ERFL: variants seen among roughly 807,000 people sequenced by gnomAD.
ERFL encodes the protein ETS repressor factor like.
ERFL carries 8 observed loss-of-function variants against 27.9 expected under a neutral mutation model. The observed-to-expected ratio is 0.29, with a 90% CI of 0.17 to 0.52. The LOEUF is 0.52. Ranked by LOEUF, ERFL falls within the 20% of genes least tolerant of loss-of-function variation. ERFL has a pLI of 0.97. For missense variants in ERFL, 294 were observed against 444.4 expected, an observed-to-expected ratio of 0.66 and a Z score of 3.04; for synonymous variants, 174 against 202.8, an observed-to-expected ratio of 0.86 and a Z score of 1.21.
Position 41,921,719 on chromosome 19 carries a change from G to A in ERFL, c.-14+6321C>T, listed in dbSNP as rs565092928. 2.6e-5 allele frequency among the ~76,000 whole-genome samples: 4 copies of A among 152,172 alleles called. No homozygotes were observed. Among genetic ancestry groups the A allele is most frequent in the South Asian group, 2.1e-4 (1 of 4,822 alleles). ...GCAGGAGAGGGATGCAGGCGAGCCC[G>A]GCCCTGGAGGTGGAGTGGAAGGCTC... is the stretch of plus-strand genomic sequence containing the variant. On this transcript the variant is annotated intron_variant, in intron 1 of 5. Coordinates refer to ENST00000597630, the MANE Select transcript of ERFL (RefSeq NM_001365103.2). This position sits in a 1 kb window ranked among gnomAD's most constrained non-coding sequence, Gnocchi z 4.4.
intron 2 of ERFL, among the ~76,000 whole-genome samples, chr19:41,911,001 C>A (rs1346716190): frequency 6.6e-6 from 1 of 152,192 alleles, no homozygotes; most frequent in African/African-American, 2.4e-5. Context: ...ACACAGGACC[C>A]CAAATGCCCA....
intron 1 of ERFL, 148 bp from the exon 2 acceptor site, chr19:41,913,080 C>G (rs1207568090): frequency 7.5e-6 from 3 of 400,100 alleles, no homozygotes; most frequent in Non-Finnish European, 1.3e-5. Context: ...CCTGCCCACT[C>G]CCTCCCGCAG....
chr19:41,914,632 TCTGTCTCTCCCTCCCTTTCCA>T (rs2074780099), intron 1 of ERFL, among the ~76,000 whole-genome samples: 1 of 45,282 alleles, frequency 2.2e-5, no homozygotes, highest in Admixed American at 1.9e-4. Context: ...CATCTCTGTC[TCTGTCTCTCCCTCCCTTTCCA>T]CCATCTCTGT....
Position 41,909,052 on chromosome 19 carries a change from G to A in ERFL, c.616+8C>T. 8.1e-7 allele frequency: 1 copy of A among 1,227,502 alleles called. No homozygotes were observed. Among genetic ancestry groups the A allele is most frequent in the Non-Finnish European group, 1.0e-6 (1 of 984,476 alleles). 76.0% of individuals were successfully genotyped at this position (1,227,502 alleles called of 1,614,324 possible). On this transcript the variant is annotated splice_region_variant and intron_variant, in intron 5 of 5. Coordinates refer to ENST00000597630, the MANE Select transcript of ERFL (RefSeq NM_001365103.2). This position sits in a 1 kb window ranked among gnomAD's most constrained non-coding sequence, Gnocchi z 5.2. ...GCCCCCAGCACCCCAGAACCTCCAG[G>A]CTCTTACCAGAGCCCAGGAATGGGA...
chr19:41,911,535 C>T (rs2074751347), intron 2 of ERFL, among the ~76,000 whole-genome samples: 1 of 152,216 alleles, frequency 6.6e-6, no homozygotes, highest in Non-Finnish European at 1.5e-5. Context: ...CCCAGGCTGC[C>T]TGGTGTAGAA....
rs2074739283 is a variant in ERFL at position 41,909,288 on chromosome 19, GGGA to G, written c.483_485del (p.Pro162del). Reference sequence around the variant, plus strand: ...TACCCAGACTCACCTCAGGGGTGAGGGGAGGAGCATCTGGCCCTGGGGCCCCCC... The same window carrying G: ...TACCCAGACTCACCTCAGGGGTGAGGGGAGCATCTGGCCCTGGGGCCCCCC... On this transcript the variant is annotated inframe_deletion, in exon 4 of 6. Transcript: ENST00000597630. The surrounding 1 kb of genome is among the most constrained non-coding windows in gnomAD (Gnocchi z 5.2). The G allele has an allele frequency of 8.1e-7, 1 of 1,233,748 alleles. No homozygotes were observed. Among genetic ancestry groups the G allele is most frequent in the Non-Finnish European group, 1.0e-6 (1 of 989,122 alleles). 76.4% of individuals were successfully genotyped at this position (1,233,748 alleles called of 1,614,324 possible).
chr19:41,920,565 C>T (rs1331929571), intron 1 of ERFL, among the ~76,000 whole-genome samples: 1 of 152,060 alleles, frequency 6.6e-6, no homozygotes, highest in Non-Finnish European at 1.5e-5. Flanking sequence ...AGATGTTACG[C>T]ACTCACAGAC....
intron 1 of ERFL, among the ~76,000 whole-genome samples, chr19:41,927,064 T>C (rs1484943410): frequency 3.3e-5 from 5 of 149,266 alleles, no homozygotes; most frequent in South Asian, 2.1e-4. Context: ...GTCTTAAGAG[T>C]TGGACCCAAA....
chr19:41,926,696 G>A (rs987335962), intron 1 of ERFL, among the ~76,000 whole-genome samples: 54 of 152,158 alleles, frequency 3.5e-4, no homozygotes, highest in Non-Finnish European at 2.6e-4. Flanking sequence ...GCGCGTCTGG[G>A]CCGCGGCGGC....
rs942084043 is a variant in ERFL at position 41,925,018 on chromosome 19, G to C, written c.-14+3022C>G. 3.3e-5 allele frequency among the ~76,000 whole-genome samples: 5 copies of C among 152,252 alleles called. No homozygotes were observed. In the East Asian group the frequency reaches 7.7e-4, roughly 24 times the overall value. On this transcript the variant is annotated intron_variant, in intron 1 of 5. Coordinates refer to ENST00000597630, the MANE Select transcript of ERFL (RefSeq NM_001365103.2). ...AGGGACTCCGGTCACATGGATGTTT[G>C]GGGGGAGGAAAAGGAGAGAGGTGGC...
At chr19:41,914,615 CT>C (rs782268622) in intron 1 of ERFL, among the ~76,000 whole-genome samples, 1,521 of 42,000 alleles carry the variant, frequency 0.036, 269 homozygotes, top group Non-Finnish European at 0.058. Context: ...TCTCCCTCCC[CT>C]TCCACCATCT....
In ERFL at chr19:41,921,638, TGGGA is replaced by T. The variant is rs2074842833; in HGVS notation, c.-14+6398_-14+6401del. Among the ~76,000 whole-genome samples, 1 of 151,250 alleles carries T rather than the reference TGGGA, an allele frequency of 6.6e-6. No homozygotes were observed. The highest frequency in any genetic ancestry group is 1.5e-5 in the Non-Finnish European group (1 of 67,754). On this transcript the variant is annotated intron_variant, in intron 1 of 5. Transcript: ENST00000597630. The surrounding 1 kb of genome is among the most constrained non-coding windows in gnomAD (Gnocchi z 4.4). ...GAGGGCCGCACCGGAGACCCTGGGT[TGGGA>T]GGAAGGAGAGAAGAGGGCAGAGATG...
In ERFL at chr19:41,909,309, G is replaced by A; in HGVS notation, c.465C>T (p.Ala155=). The change falls in exon 4 of 6, where the codon GCC becomes GCT. Residue 155 remains alanine, a synonymous_variant. Transcript: ENST00000597630. The surrounding 1 kb of genome is among the most constrained non-coding windows in gnomAD (Gnocchi z 5.2). ...LLLTPSPFGG[A]PGPDAPPLTP... ...TGAGGGGAGGAGCATCTGGCCCTGG[G>A]GCCCCCCCAAAGGGACTGGGGGTCA... 8.1e-7 allele frequency: 1 copy of A among 1,234,808 alleles called. No individual in the cohort carries two copies. The highest frequency in any genetic ancestry group is 1.0e-6 in the Non-Finnish European group (1 of 989,266). 76.5% of individuals were successfully genotyped at this position (1,234,808 alleles called of 1,614,324 possible). A position where few individuals can be genotyped will look rare whatever the true frequency, so the allele number is the denominator to read the frequency against.
chr19:41,908,323 T>C lies in ERFL; in HGVS notation c.970A>G (p.Thr324Ala). The change falls in exon 6 of 6, where the codon ACC (threonine) becomes GCC (alanine). Residue 324 changes from threonine (T) to alanine (A), a missense_variant. Thr to Ala is a moderately conservative substitution (Grantham distance 58). This residue lies in a region of ERFL where 246 missense variants were observed against 371.4 expected (regional missense o/e 0.66). Coordinates refer to ENST00000597630, the MANE Select transcript of ERFL (RefSeq NM_001365103.2). This position sits in a 1 kb window ranked among gnomAD's most constrained non-coding sequence, Gnocchi z 6.7. The part of the protein sequence containing the change: ...KEDSDSELEI[T>A]DVSGCSSDSE... Reference sequence around the variant, plus strand: ...TCAGAGCTGCAGCCGCTGACGTCGGTGATCTCCAGCTCCGAGTCGCTGTCC... The same window carrying C: ...TCAGAGCTGCAGCCGCTGACGTCGGCGATCTCCAGCTCCGAGTCGCTGTCC... The C allele has an allele frequency of 1.1e-5, 14 of 1,231,484 alleles. No individual in the cohort carries two copies. The highest frequency in any genetic ancestry group is 3.2e-5 in the East Asian group (1 of 31,670). 76.3% of individuals were successfully genotyped at this position (1,231,484 alleles called of 1,614,324 possible). A position where few individuals can be genotyped will look rare whatever the true frequency, so the allele number is the denominator to read the frequency against.
Position 41,908,320 on chromosome 19 carries a change from C to T in ERFL, c.973G>A (p.Asp325Asn), listed in dbSNP as rs2145878572. Residue 325 changes from aspartate (D) to asparagine (N), a missense_variant, in exon 6 of 6, where the codon GAC (aspartate) becomes AAC (asparagine). Coordinates refer to ENST00000597630, the MANE Select transcript of ERFL (RefSeq NM_001365103.2). The surrounding 1 kb of genome is among the most constrained non-coding windows in gnomAD (Gnocchi z 6.7). ...EDSDSELEIT[D>N]VSGCSSDSEG... ...CTGTCAGAGCTGCAGCCGCTGACGT[C>T]GGTGATCTCCAGCTCCGAGTCGCTG... 2 of 1,231,478 alleles carry T rather than the reference C, an allele frequency of 1.6e-6. No homozygotes were observed. The highest frequency in any genetic ancestry group is 3.1e-4 in the Middle Eastern group (1 of 3,208). 76.3% of individuals were successfully genotyped at this position (1,231,478 alleles called of 1,614,324 possible). A position where few individuals can be genotyped will look rare whatever the true frequency, so the allele number is the denominator to read the frequency against.
In ERFL at chr19:41,909,108, C is replaced by T. The variant is rs1200042963; in HGVS notation, c.568G>A (p.Glu190Lys). The change falls in exon 5 of 6, where the codon GAG becomes AAG. Residue 190 changes from glutamate (E) to lysine (K), a missense_variant. Transcript: ENST00000597630. This position sits in a 1 kb window ranked among gnomAD's most constrained non-coding sequence, Gnocchi z 5.2. Reference sequence around the variant, plus strand: ...CTGTCCAGACGCAATTTATCTGTCTCGGAGGTGAACAGGGGTGTCCGGGCC... The same window carrying T: ...CTGTCCAGACGCAATTTATCTGTCTTGGAGGTGAACAGGGGTGTCCGGGCC... The part of the protein sequence containing the change: ...PGARTPLFTS[E>K]TDKLRLDSPF... The T allele has an allele frequency of 1.2e-5, 15 of 1,231,764 alleles. No homozygotes were observed. The highest frequency in any genetic ancestry group is 1.6e-5 in the African/African-American group (1 of 64,400). The allele number at this position is 1,231,764 out of a possible 1,614,324, so 76.3% of individuals were successfully genotyped here.
intron 1 of ERFL, among the ~76,000 whole-genome samples, chr19:41,913,954 C>T (rs1446576642): frequency 6.6e-6 from 1 of 151,158 alleles, no homozygotes; most frequent in Non-Finnish European, 1.5e-5. Context: ...GGAGACCCCC[C>T]AGACGCTCTC....
chr19:41,918,838 G>A (rs1264877970), intron 1 of ERFL, among the ~76,000 whole-genome samples: 6 of 135,610 alleles, frequency 4.4e-5, no homozygotes, highest in African/African-American at 1.4e-4. Context: ...CGCCACACAT[G>A]CTACACTACC....
chr19:41,926,035 T>G (rs1191376853), intron 1 of ERFL, among the ~76,000 whole-genome samples: 1 of 151,116 alleles, frequency 6.6e-6, no homozygotes, highest in Non-Finnish European at 1.5e-5. Flanking sequence ...GAGGAAGAGG[T>G]GAAGAAATAC....
Sources: allele counts gnomAD v4.1 joint callset (sites outside exome capture counted in the v4.1 genomes callset), GRCh38; gene constraint gnomAD v4.1.1; regional missense constraint gnomAD v4.1.1; non-coding constraint Gnocchi (gnomAD v3.1); transcripts MANE v1.5; gene names NCBI Gene and HGNC (gene_info 2026-07-23, HGNC 2026-07-21).